Variants in FNIP2 observed in about 807,000 individuals in gnomAD.
The protein encoded by FNIP2 is folliculin interacting protein 2, also known as folliculin-interacting protein 2.
FNIP2 carries 32 observed loss-of-function variants against 108.7 expected under a neutral mutation model. That is an observed-to-expected ratio of 0.29 (90% CI 0.22 to 0.40). FNIP2 has a LOEUF of 0.40. Ranked by LOEUF, FNIP2 falls within the 10% of genes least tolerant of loss-of-function variation. FNIP2 has a pLI of 1.00. For missense variants in FNIP2, 1,202 were observed against 1,381.6 expected (o/e 0.87, Z 2.06); for synonymous variants, 480 against 496.7 (o/e 0.97, Z 0.45).
At chr4:158,819,494 C>T (rs1335949084) in intron 1 of FNIP2, among the ~76,000 whole-genome samples, 1 of 152,222 alleles carries the variant, frequency 6.6e-6, no homozygotes, top group Non-Finnish European at 1.5e-5. Context: ...AGGATAGCAA[C>T]TCAGTGGTGA....
chr4:158,852,287 A>G (rs1437193220), intron 8 of FNIP2, among the ~76,000 whole-genome samples: 1 of 152,208 alleles, frequency 6.6e-6, no homozygotes, highest in Non-Finnish European at 1.5e-5. Flanking sequence ...CACTGCAGGG[A>G]CAAGCTGAGA....
chr4:158,829,914 G>T (rs1372331652), intron 3 of FNIP2, among the ~76,000 whole-genome samples: 3 of 152,160 alleles, frequency 2.0e-5, no homozygotes, highest in African/African-American at 7.2e-5. Flanking sequence ...TACTAGGGAA[G>T]TTACCAGCAA....
intron 1 of FNIP2, among the ~76,000 whole-genome samples, chr4:158,823,110 T>C (rs767064333): frequency 3.9e-5 from 6 of 152,232 alleles, no homozygotes; most frequent in Admixed American, 6.5e-5. Context: ...TTATAAATTA[T>C]AATGCTGTCT....
Position 158,891,477 on chromosome 4 carries a change from C to G in FNIP2, c.2981C>G (p.Ala994Gly), listed in dbSNP as rs1473333679. 6.2e-7 allele frequency: 1 copy of G among 1,605,742 alleles called. No individual in the cohort carries two copies. Among genetic ancestry groups the G allele is most frequent in the Non-Finnish European group, 8.5e-7 (1 of 1,175,858 alleles). ...GTCCTGGATGAGCCAATAGCTGAAGCTGTCTGTATTATCGCAGACACGGAT... is the reference window on the plus strand; with the variant it reads ...GTCCTGGATGAGCCAATAGCTGAAGGTGTCTGTATTATCGCAGACACGGAT... Reference protein sequence around the residue: ...HPVLDEPIAEAVCIIADTDKW... With the variant: ...HPVLDEPIAEGVCIIADTDKW... The change falls in exon 15 of 17, where the codon GCT becomes GGT. Residue 994 changes from alanine to glycine, a missense_variant. Ala to Gly is a moderately conservative substitution (Grantham distance 60). Around this residue, in one of 5 missense-constraint regions of FNIP2, gnomAD observed 142 missense variants for 183.8 expected, o/e 0.77. Transcript: ENST00000264433.
At chr4:158,779,672 T>A (rs561229419) in intron 1 of FNIP2, among the ~76,000 whole-genome samples, 8 of 148,992 alleles carry the variant, frequency 5.4e-5, no homozygotes, top group Middle Eastern at 7.0e-3. Flanking sequence ...CGGGCTTAAG[T>A]GACCCTCCCA....
At chr4:158,850,701 GA>G (rs964280077) in intron 7 of FNIP2, among the ~76,000 whole-genome samples, 6 of 147,608 alleles carry the variant, frequency 4.1e-5, no homozygotes, top group African/African-American at 1.5e-4. Flanking sequence ...ACTAGATGGG[GA>G]AAAAACTTAT....
intron 7 of FNIP2, among the ~76,000 whole-genome samples, chr4:158,842,207 A>G (rs796423198): frequency 1.3e-5 from 2 of 152,270 alleles, no homozygotes; most frequent in Non-Finnish European, 2.9e-5. Flanking sequence ...CTAAATTTGC[A>G]TTCTTACATA....
Position 158,868,259 on chromosome 4 carries a change from TGGTGAA to T in FNIP2, c.1629_1634del (p.Glu543_Gly544del). The T allele has an allele frequency of 3.7e-6, 6 of 1,614,050 alleles. No individual in the cohort carries two copies. Among genetic ancestry groups the T allele is most frequent in the Non-Finnish European group, 5.1e-6 (6 of 1,179,904 alleles). ...ACCAGCTGACCTGGAGTGGCAATCA[TGGTGAA>T]GGTGACCAAGTTTTAAATGGGAGCA... On this transcript the variant is annotated inframe_deletion, in exon 13 of 17. Coordinates refer to ENST00000264433, the MANE Select transcript of FNIP2 (RefSeq NM_020840.3). This position sits in a 1 kb window ranked among gnomAD's most constrained non-coding sequence, Gnocchi z 4.6.
At chr4:158,872,418 T>C in intron 14 of FNIP2, 2 of 985,474 alleles carry the variant, frequency 2.0e-6, no homozygotes, top group Non-Finnish European at 2.4e-6. Context: ...TATTTCATTT[T>C]CCCTTCCTTT....
At chr4:158,829,589 A>C (rs987593338) in intron 3 of FNIP2, among the ~76,000 whole-genome samples, 1 of 152,166 alleles carries the variant, frequency 6.6e-6, no homozygotes, top group Non-Finnish European at 1.5e-5. Flanking sequence ...TGGGCATCCT[A>C]AGAAAATAGA....
rs566970559 is a variant in FNIP2 at position 158,881,915 on chromosome 4, G to A, written c.2950-9531G>A. ...GAGCGTCTCTGCCTGGCCGCCCATC[G>A]TCTGGGATGTGAGGAGCCCCTCTGC... On this transcript the variant is annotated intron_variant, in intron 14 of 16. Coordinates refer to ENST00000264433, the MANE Select transcript of FNIP2 (RefSeq NM_020840.3). Among the ~76,000 whole-genome samples the A allele has an allele frequency of 1.2e-4, 17 of 142,650 alleles. No individual in the cohort carries two copies. The East Asian group carries it at 1.9e-3, about 16-fold the overall frequency. The allele number at this position is 142,650 out of a possible 152,430, so 93.6% of individuals were successfully genotyped here.
chr4:158,871,565 T>C, intron 14 of FNIP2: 1 of 985,216 alleles, frequency 1.0e-6, no homozygotes, highest in South Asian at 4.7e-5. Flanking sequence ...CAACATAACC[T>C]CCCTCAATGG....
intron 7 of FNIP2, among the ~76,000 whole-genome samples, chr4:158,839,921 G>A (rs1361621816): frequency 2.6e-5 from 4 of 152,176 alleles, no homozygotes; most frequent in African/African-American, 9.7e-5. Flanking sequence ...CAGGTATGGA[G>A]GGAAATGCAT....
chr4:158,804,235 C>A (rs1776860392), intron 1 of FNIP2, among the ~76,000 whole-genome samples: 1 of 152,124 alleles, frequency 6.6e-6, no homozygotes, highest in African/African-American at 2.4e-5. Context: ...AGCCACCGCA[C>A]CTGGCCCATA....
intron 16 of FNIP2, among the ~76,000 whole-genome samples, chr4:158,896,863 A>C (rs1782736582): frequency 7.1e-6 from 1 of 140,608 alleles, no homozygotes; most frequent in Admixed American, 7.2e-5. Context: ...TTATTATTAT[A>C]CTTTTAAGTT....
At chr4:158,890,197 CTT>C in intron 14 of FNIP2, 1 of 985,324 alleles carries the variant, frequency 1.0e-6, no homozygotes, top group South Asian at 4.7e-5. Flanking sequence ...GAACATCAGA[CTT>C]TGCCTGATTG....
intron 12 of FNIP2, among the ~76,000 whole-genome samples, chr4:158,866,456 G>A (rs1198879034): frequency 6.7e-6 from 1 of 148,810 alleles, no homozygotes; most frequent in Non-Finnish European, 1.5e-5. Context: ...GACCTCAAGT[G>A]ATCCGCCCAC....
chr4:158,872,176 G>C, intron 14 of FNIP2: 7 of 985,348 alleles, frequency 7.1e-6, no homozygotes, highest in Non-Finnish European at 8.4e-6. Context: ...TGGGGACTTT[G>C]TTTGAATGCC....
intron 1 of FNIP2, among the ~76,000 whole-genome samples, chr4:158,790,882 C>G (rs1776391533): frequency 6.7e-6 from 1 of 150,034 alleles, no homozygotes; most frequent in Non-Finnish European, 1.5e-5. Flanking sequence ...GGATTTGTAT[C>G]TTCTTATTTG....
Sources: allele counts gnomAD v4.1 joint callset (sites outside exome capture counted in the v4.1 genomes callset), GRCh38; gene constraint gnomAD v4.1.1; regional missense constraint gnomAD v4.1.1; non-coding constraint Gnocchi (gnomAD v3.1); transcripts MANE v1.5; gene names NCBI Gene and HGNC (gene_info 2026-07-23, HGNC 2026-07-21).